AGO2: variants seen among roughly 807,000 people sequenced by gnomAD.
AGO2 encodes argonaute RISC catalytic component 2, also known as protein argonaute-2.
In AGO2, 5 loss-of-function variants were observed where a neutral mutation model predicts 102.3. The ratio of observed to expected loss-of-function variants is 0.05; its 90% CI spans 0.03 to 0.10. AGO2 has a LOEUF of 0.10. Among genes scored for constraint, AGO2 ranks in the 10% least tolerant of loss-of-function variants. The pLI, the probability that AGO2 is intolerant of heterozygous loss-of-function variation, is 1.00. For synonymous variants in AGO2, 449 were observed against 473.1 expected (o/e 0.95, Z 0.66); for missense variants, 541 against 1,183.7 (o/e 0.46, Z 7.97).
At chr8:140,550,215 C>T (rs559229989) in intron 11 of AGO2, among the ~76,000 whole-genome samples, 2 of 152,370 alleles carry the variant, frequency 1.3e-5, no homozygotes, top group African/African-American at 2.4e-5. Flanking sequence ...GCCAGCAAGA[C>T]GTCAGCTCTG....
At chr8:140,535,116 G>A (rs1423979088) in intron 17 of AGO2, among the ~76,000 whole-genome samples, 6 of 152,216 alleles carry the variant, frequency 3.9e-5, no homozygotes, top group Admixed American at 3.9e-4. Context: ...CAGCTGCCCA[G>A]TGGCCTTCCA....
At chr8:140,572,615 A>T in intron 3 of AGO2, 197 bp downstream of exon 3, 2 of 681,124 alleles carry the variant, frequency 2.9e-6, no homozygotes, top group Non-Finnish European at 4.4e-6. Flanking sequence ...TAGACAAGTT[A>T]AACCCCCATC....
chr8:140,610,081 C>T (rs1032259307), intron 1 of AGO2, among the ~76,000 whole-genome samples: 4 of 151,118 alleles, frequency 2.6e-5, no homozygotes, highest in South Asian at 2.1e-4. Context: ...GGTGCACACC[C>T]GTAATCCCAG....
rs144851768 is a variant in AGO2, at chr8:140,574,333, C to G, written c.216-1401G>C. On this transcript the variant is annotated intron_variant, in intron 2 of 18. Coordinates refer to ENST00000220592, the MANE Select transcript of AGO2 (RefSeq NM_012154.5). ...CTGGAGTACACTGGCATGATTACTG[C>G]TCACTGCAGCCTTGACCTCCCGGGC... Among the ~76,000 whole-genome samples, 371 of 152,248 alleles carry G rather than the reference C, an allele frequency of 2.4e-3. 2 individuals are homozygous for G. The highest frequency in any genetic ancestry group is 8.8e-3 in the African/African-American group (364 of 41,520).
chr8:140,595,710 ATAT>A (rs2073817905), intron 1 of AGO2, among the ~76,000 whole-genome samples: 2 of 132,688 alleles, frequency 1.5e-5, no homozygotes, highest in African/African-American at 2.8e-5. Context: ...TTATATATAA[ATAT>A]TATATTATAT....
chr8:140,635,963 C>T (rs1347240744), upstream of AGO2, among the ~76,000 whole-genome samples: 1 of 150,542 alleles, frequency 6.6e-6, no homozygotes, highest in Non-Finnish European at 1.5e-5. Flanking sequence ...CCCTTCACTG[C>T]CACCCAGAGA....
intron 2 of AGO2, among the ~76,000 whole-genome samples, chr8:140,577,431 T>C (rs2073484644): frequency 6.6e-6 from 1 of 152,224 alleles, no homozygotes; most frequent in Non-Finnish European, 1.5e-5. Context: ...CTATTGATTG[T>C]GGTGGTTCTT....
intron 1 of AGO2, among the ~76,000 whole-genome samples, chr8:140,618,174 G>C (rs1317530119): frequency 6.6e-6 from 1 of 152,160 alleles, no homozygotes; most frequent in Non-Finnish European, 1.5e-5. Flanking sequence ...TAAAAAATTA[G>C]CCTGGCACAG....
At chr8:140,595,794 A>T (rs1253095539) in intron 1 of AGO2, among the ~76,000 whole-genome samples, 2 of 37,058 alleles carry the variant, frequency 5.4e-5, no homozygotes, top group Non-Finnish European at 1.4e-4. Context: ...ATATACAATT[A>T]TATTATATAC....
At chr8:140,603,278 G>A (rs1043524762) in intron 1 of AGO2, among the ~76,000 whole-genome samples, 2 of 152,226 alleles carry the variant, frequency 1.3e-5, no homozygotes, top group African/African-American at 4.8e-5. Context: ...TCAAAGCGGA[G>A]TGCGTGGTGC....
chr8:140,574,528 T>C (rs2073436040), intron 2 of AGO2, among the ~76,000 whole-genome samples: 1 of 152,148 alleles, frequency 6.6e-6, no homozygotes, highest in Admixed American at 6.5e-5. Flanking sequence ...CCTCCTAAAG[T>C]GCTGGGAGTA....
rs998663370 is a variant in AGO2, at chr8:140,529,303, C to T, written c.*2741G>A. 13 of 152,134 alleles carry T rather than the reference C, an allele frequency of 8.5e-5. No homozygotes were observed. Among genetic ancestry groups the T allele is most frequent in the African/African-American group, 2.2e-4 (9 of 41,410 alleles). 9.4% of individuals were successfully genotyped at this position (152,134 alleles called of 1,614,324 possible). A position where few individuals can be genotyped will look rare whatever the true frequency, so the allele number is the denominator to read the frequency against. On this transcript the variant is annotated 3_prime_UTR_variant, in exon 19 of 19. Transcript: ENST00000220592. ...TCACGTGAACAGGGCTGGGACTTAC[C>T]CTACTGTACTTTGAGGTTTTTACAC...
intron 3 of AGO2, among the ~76,000 whole-genome samples, chr8:140,570,565 T>C (rs758003651): frequency 3.9e-5 from 6 of 152,202 alleles, no homozygotes; most frequent in Non-Finnish European, 8.8e-5. Flanking sequence ...CTACTCAACA[T>C]GTGGCATGGG....
chr8:140,618,322 G>GAA (rs1190190120), intron 1 of AGO2, among the ~76,000 whole-genome samples: 16 of 131,370 alleles, frequency 1.2e-4, no homozygotes, highest in African/African-American at 1.4e-4. Flanking sequence ...TCCGTCTCAG[G>GAA]AAAAAAAAAA....
intron 1 of AGO2, among the ~76,000 whole-genome samples, chr8:140,590,140 C>T (rs1217551317): frequency 6.6e-6 from 1 of 152,220 alleles, no homozygotes; most frequent in Non-Finnish European, 1.5e-5. Flanking sequence ...CCTCACCCAG[C>T]CCACGTTCAC....
chr8:140,585,021 C>A, intron 2 of AGO2, 98 bp downstream of exon 2: 1 of 1,244,516 alleles, frequency 8.0e-7, no homozygotes, highest in Non-Finnish European at 1.1e-6. Flanking sequence ...GGAAAAAACC[C>A]AGATGGATCT....
chr8:140,598,612 C>T (rs184968456), intron 1 of AGO2, among the ~76,000 whole-genome samples: 1 of 152,332 alleles, frequency 6.6e-6, no homozygotes, highest in East Asian at 1.9e-4. Context: ...TGCCCGACAG[C>T]CCTGGTGCCA....
intron 2 of AGO2, among the ~76,000 whole-genome samples, 177 bp downstream of exon 2, chr8:140,584,942 A>AT (rs1490440383): frequency 2.0e-5 from 3 of 151,958 alleles, no homozygotes; most frequent in Admixed American, 6.6e-5. Context: ...TTATATATAT[A>AT]TTTTTTTCAA....
At position 140,522,247 on chromosome 8, in the gene AGO2, T is replaced by G. The variant is rs756583549; in HGVS notation, c.*9797A>C. On this transcript the variant is annotated 3_prime_UTR_variant, in exon 19 of 19. Coordinates refer to ENST00000220592, the MANE Select transcript of AGO2 (RefSeq NM_012154.5). ...ATTTCAAGTTTCATGTGGAGTTGTA[T>G]CTCACTGTTTGGTTACTTTTTCCAA... The G allele has an allele frequency of 3.9e-5, 6 of 152,224 alleles. No individual in the cohort carries two copies. Among genetic ancestry groups the G allele is most frequent in the Non-Finnish European group, 8.8e-5 (6 of 68,036 alleles). 9.4% of individuals were successfully genotyped at this position (152,224 alleles called of 1,614,324 possible). A position where few individuals can be genotyped will look rare whatever the true frequency, so the allele number is the denominator to read the frequency against.
Sources: gnomAD v4.1 joint callset for allele counts (sites outside exome capture counted in the v4.1 genomes callset) on GRCh38, gnomAD v4.1.1 for gene constraint, MANE v1.5 for transcripts, NCBI Gene and HGNC (gene_info 2026-07-23, HGNC 2026-07-21) for gene names.